UTRN: variants seen among roughly 807,000 people sequenced by gnomAD.
UTRN encodes dystrophin-related protein 1.
In UTRN, 283 loss-of-function variants were observed where a neutral mutation model predicts 463.9. That is an observed-to-expected ratio of 0.61 (90% CI 0.55 to 0.67). The LOEUF is 0.67. Among genes scored for constraint, UTRN ranks in the 30% least tolerant of loss-of-function variants. The pLI is 0.00. For missense variants in UTRN, 3,922 were observed against 4,084.3 expected (o/e 0.96, Z 1.08); for synonymous variants, 1,442 against 1,431.5 (o/e 1.01, Z -0.17).
At chr6:144,508,680 C>G (rs1465592000) in intron 34 of UTRN, among the ~76,000 whole-genome samples, 5 of 152,222 alleles carry the variant, frequency 3.3e-5, no homozygotes, top group Non-Finnish European at 7.3e-5. Context: ...GTTTGGCCAT[C>G]TTGCCAGCCA....
At chr6:144,785,691 T>C (rs1007619393) in intron 61 of UTRN, among the ~76,000 whole-genome samples, 3 of 152,204 alleles carry the variant, frequency 2.0e-5, no homozygotes, top group African/African-American at 7.2e-5. Context: ...CTACTTAACA[T>C]TGGCATCTTA....
intron 50 of UTRN, among the ~76,000 whole-genome samples, chr6:144,566,838 G>A (rs984474244): frequency 2.6e-5 from 4 of 152,116 alleles, no homozygotes; most frequent in Non-Finnish European, 5.9e-5. Flanking sequence ...AGAGAAAAAG[G>A]AAAAGACTTC....
Position 144,739,560 on chromosome 6 carries a change from T to C in UTRN, c.7940-8686T>C, listed in dbSNP as rs149147794. On this transcript the variant is annotated intron_variant, in intron 54 of 74. Coordinates refer to ENST00000367545, the MANE Select transcript of UTRN (RefSeq NM_007124.3). ...TTATTAATTGGAGCCTCATTCATTG[T>C]AAATGACAGGCACACAGCTTCCCTA... is the stretch of plus-strand genomic sequence containing the variant. 4.3e-3 allele frequency among the ~76,000 whole-genome samples: 658 copies of C among 152,294 alleles called. 2 individuals are homozygous for C. The highest frequency in any genetic ancestry group is 0.013 in the African/African-American group (545 of 41,574).
At chr6:144,362,097 A>G (rs1051649329) in intron 2 of UTRN, among the ~76,000 whole-genome samples, 1 of 152,234 alleles carries the variant, frequency 6.6e-6, no homozygotes, top group Non-Finnish European at 1.5e-5. Context: ...TAAACATATC[A>G]ACTCATTGGA....
intron 2 of UTRN, among the ~76,000 whole-genome samples, chr6:144,400,480 C>CTTAA: frequency 6.6e-6 from 1 of 152,132 alleles, no homozygotes; most frequent in Admixed American, 6.5e-5. Flanking sequence ...GATTGTTTAC[C>CTTAA]TTAATTGTTG....
At chr6:144,766,303 T>A (rs1304735298) in intron 58 of UTRN, among the ~76,000 whole-genome samples, 1 of 151,904 alleles carries the variant, frequency 6.6e-6, no homozygotes, top group East Asian at 1.9e-4. Flanking sequence ...CTCAAATAAA[T>A]GTTGTCATAT....
intron 51 of UTRN, among the ~76,000 whole-genome samples, chr6:144,664,443 T>C (rs765557156): frequency 8.6e-5 from 13 of 151,780 alleles, no homozygotes; most frequent in Non-Finnish European, 1.5e-4. Context: ...CACTTAGTAA[T>C]TTGACTGTTT....
chr6:144,439,649 C>A (rs1004610101), intron 12 of UTRN, among the ~76,000 whole-genome samples: 6 of 152,056 alleles, frequency 3.9e-5, no homozygotes, highest in Admixed American at 3.9e-4. Context: ...TGTGCCACCA[C>A]ACCCAGCTAA....
chr6:144,393,733 T>G (rs1332714205), intron 2 of UTRN, among the ~76,000 whole-genome samples: 1 of 151,932 alleles, frequency 6.6e-6, no homozygotes, highest in Non-Finnish European at 1.5e-5. Context: ...GTTCTGAAAA[T>G]GAAGAGGAGA....
At chr6:144,614,932 T>A (rs1805921890) in intron 51 of UTRN, among the ~76,000 whole-genome samples, 1 of 152,122 alleles carries the variant, frequency 6.6e-6, no homozygotes, top group Non-Finnish European at 1.5e-5. Context: ...TATGAACCTT[T>A]AAGAAACCCT....
rs961875339 is a variant in UTRN, at chr6:144,499,523, A to G, written c.4764+96A>G. The G allele has an allele frequency of 1.6e-5, 17 of 1,042,912 alleles. No individual in the cohort carries two copies. In the Middle Eastern group the frequency reaches 6.6e-4, roughly 40 times the overall value. 64.6% of individuals were successfully genotyped at this position (1,042,912 alleles called of 1,614,324 possible). ...TGGATACCATGTCCCTCCATTTTAT[A>G]TTAAATCTAGCCTTTTCTTTTTTGC... On this transcript the variant is annotated intron_variant, in intron 34 of 74. Coordinates refer to ENST00000367545, the MANE Select transcript of UTRN (RefSeq NM_007124.3).
intron 61 of UTRN, among the ~76,000 whole-genome samples, chr6:144,785,735 C>T (rs969457244): frequency 2.0e-5 from 3 of 152,054 alleles, no homozygotes; most frequent in African/African-American, 7.3e-5. Flanking sequence ...TAAAAATATC[C>T]ACTCTGCTTA....
At chr6:144,755,692 T>G (rs1791917032) in intron 57 of UTRN, among the ~76,000 whole-genome samples, 1 of 152,274 alleles carries the variant, frequency 6.6e-6, no homozygotes, top group South Asian at 2.1e-4. Flanking sequence ...GAAAGCAATT[T>G]GTTTCATTTA....
intron 41 of UTRN, among the ~76,000 whole-genome samples, chr6:144,526,256 G>T (rs548455963): frequency 6.6e-6 from 1 of 152,312 alleles, no homozygotes; most frequent in East Asian, 1.9e-4. Flanking sequence ...CTGTCTGGGT[G>T]ACTTGTCTAG....
At chr6:144,361,267 C>T (rs930766798) in intron 2 of UTRN, among the ~76,000 whole-genome samples, 4 of 152,148 alleles carry the variant, frequency 2.6e-5, no homozygotes, top group Non-Finnish European at 5.9e-5. Flanking sequence ...GAAAGACTAG[C>T]TTGTAGTTTG....
chr6:144,785,013 G>A (rs1428431288), intron 61 of UTRN, among the ~76,000 whole-genome samples: 1 of 152,136 alleles, frequency 6.6e-6, no homozygotes, highest in Non-Finnish European at 1.5e-5. Flanking sequence ...AATGTCAGAC[G>A]GCCAGAGCTG....
At chr6:144,458,432 T>C (rs1209029476) in intron 19 of UTRN, among the ~76,000 whole-genome samples, 1 of 152,200 alleles carries the variant, frequency 6.6e-6, no homozygotes, top group Non-Finnish European at 1.5e-5. Context: ...TCAAGGTAGT[T>C]GATCTTATTT....
chr6:144,394,013 G>T (rs148205524), intron 2 of UTRN, among the ~76,000 whole-genome samples: 1 of 152,258 alleles, frequency 6.6e-6, no homozygotes, highest in East Asian at 1.9e-4. Context: ...GCTGTTGTCT[G>T]GGTCTTGTCT....
chr6:144,692,079 T>A (rs1352096028), intron 52 of UTRN, among the ~76,000 whole-genome samples: 1 of 152,158 alleles, frequency 6.6e-6, no homozygotes, highest in Non-Finnish European at 1.5e-5. Context: ...TGTTTGTTGG[T>A]CTCCTCTATG....
Sources: gnomAD v4.1 joint callset for allele counts (sites outside exome capture counted in the v4.1 genomes callset) on GRCh38, gnomAD v4.1.1 for gene constraint, MANE v1.5 for transcripts, NCBI Gene and HGNC (gene_info 2026-07-23, HGNC 2026-07-21) for gene names.